XRCC4: variants seen among roughly 807,000 people sequenced by gnomAD.
The protein encoded by XRCC4 is DNA repair protein XRCC4.
A neutral mutation model predicts 39.1 loss-of-function variants in XRCC4; 28 were observed. The ratio of observed to expected loss-of-function variants is 0.72; its 90% CI spans 0.53 to 0.98. The LOEUF is 0.98. XRCC4 is among the 50% of genes least tolerant of loss of function. The probability of loss-of-function intolerance (pLI) is 0.00; values close to 1 mark genes in which losing one functional copy is unlikely to be tolerated. For missense variants in XRCC4, 350 were observed against 376.4 expected, an observed-to-expected ratio of 0.93 and a Z score of 0.58; for synonymous variants, 123 against 126.4, an observed-to-expected ratio of 0.97 and a Z score of 0.18.
At chr5:83,330,235 A>T (rs1044675844) in intron 7 of XRCC4, among the ~76,000 whole-genome samples, 1 of 152,082 alleles carries the variant, frequency 6.6e-6, no homozygotes, top group African/African-American at 2.4e-5. Flanking sequence ...GGAAGTGGAA[A>T]ACAGTATGAC....
At chr5:83,136,346 C>T (rs562798938) in intron 3 of XRCC4, among the ~76,000 whole-genome samples, 1 of 152,232 alleles carries the variant, frequency 6.6e-6, no homozygotes, top group East Asian at 1.9e-4. Context: ...TATTTTCTTC[C>T]TTTCTTGCCC....
At chr5:83,340,887 G>A (rs1430723408) in intron 7 of XRCC4, among the ~76,000 whole-genome samples, 6 of 152,174 alleles carry the variant, frequency 3.9e-5, no homozygotes, top group Admixed American at 2.6e-4. Context: ...TCCATGGCTA[G>A]TATTATTGTC....
intron 7 of XRCC4, chr5:83,311,002 A>G (rs1755691831): frequency 6.3e-6 from 2 of 318,506 alleles, no homozygotes; most frequent in Non-Finnish European, 1.3e-5. Flanking sequence ...TTTTAGCCCC[A>G]TAACAGTCAT....
chr5:83,150,561 A>G (rs1748655893), intron 3 of XRCC4, among the ~76,000 whole-genome samples: 1 of 152,164 alleles, frequency 6.6e-6, no homozygotes, highest in South Asian at 2.1e-4. Flanking sequence ...GTCACAGAGA[A>G]TACAGGTGCA....
Position 83,110,457 on chromosome 5 carries a change from C to T in XRCC4, c.140-571C>T, listed in dbSNP as rs72767130. ...AATACCTAGATAAGAGAATTGGAAG[C>T]GGTCTCTAGTATAGTATGTGTTGCA... On this transcript the variant is annotated intron_variant, in intron 2 of 7. Transcript: ENST00000396027. Among the ~76,000 whole-genome samples the T allele has an allele frequency of 9.2e-5, 14 of 151,712 alleles. 1 individual carries two copies. Among genetic ancestry groups the T allele is most frequent in the Admixed American group, 5.3e-4 (8 of 15,238 alleles).
intron 7 of XRCC4, among the ~76,000 whole-genome samples, chr5:83,308,524 G>C (rs748700581): frequency 2.0e-4 from 30 of 152,282 alleles, no homozygotes; most frequent in Middle Eastern, 3.4e-3. Flanking sequence ...AGAAAGATCA[G>C]TGCCAAATTT....
At chr5:83,142,557 C>A (rs185476736) in intron 3 of XRCC4, among the ~76,000 whole-genome samples, 1 of 152,098 alleles carries the variant, frequency 6.6e-6, no homozygotes, top group African/African-American at 2.4e-5. Context: ...TTGGGAGGGC[C>A]TTGGCCAAGG....
intron 7 of XRCC4, among the ~76,000 whole-genome samples, chr5:83,307,678 A>ACAAATT (rs1482845644): frequency 5.3e-5 from 8 of 152,216 alleles, no homozygotes; most frequent in Admixed American, 5.2e-4. Context: ...ATTCAGAAGC[A>ACAAATT]CAGAGATAGA....
At chr5:83,123,734 A>C (rs1314231856) in intron 3 of XRCC4, among the ~76,000 whole-genome samples, 1 of 151,968 alleles carries the variant, frequency 6.6e-6, no homozygotes, top group African/African-American at 2.4e-5. Flanking sequence ...TATAGCATAC[A>C]TCTTTACCTT....
chr5:83,150,094 G>A (rs888963234), intron 3 of XRCC4, among the ~76,000 whole-genome samples: 2 of 152,044 alleles, frequency 1.3e-5, no homozygotes, highest in African/African-American at 4.8e-5. Context: ...TCTTCTATTC[G>A]TGGCTAAATT....
At chr5:83,356,570 A>T (rs1465488318), downstream of XRCC4, among the ~76,000 whole-genome samples, 1 of 152,188 alleles carries the variant, frequency 6.6e-6, no homozygotes, top group Non-Finnish European at 1.5e-5. Flanking sequence ...TAAGCCTATA[A>T]TCTTGGGTTC....
chr5:83,273,680 TC>T (rs1249282898), intron 7 of XRCC4, among the ~76,000 whole-genome samples: 2 of 152,184 alleles, frequency 1.3e-5, no homozygotes, highest in Non-Finnish European at 2.9e-5. Flanking sequence ...GGGAATCCTT[TC>T]CCCCTCACTT....
intron 1 of XRCC4, among the ~76,000 whole-genome samples, chr5:83,091,041 A>G (rs1388647293): frequency 6.6e-6 from 1 of 152,330 alleles, no homozygotes; most frequent in East Asian, 1.9e-4. Context: ...TGAAATGTAC[A>G]GTACTCAATT....
intron 6 of XRCC4, among the ~76,000 whole-genome samples, chr5:83,225,605 G>GAAAA (rs869143323): frequency 1.7e-5 from 1 of 60,362 alleles, no homozygotes; most frequent in Non-Finnish European, 3.9e-5. Context: ...ATTTATTCCA[G>GAAAA]AAAAAAAAAA....
downstream of XRCC4, chr5:83,356,793 G>A: frequency 2.2e-6 from 1 of 448,954 alleles, no homozygotes; most frequent in South Asian, 1.6e-5. Flanking sequence ...ATGCAGCATG[G>A]CTTTTTTGAC....
At chr5:83,146,846 G>A (rs1267884984) in intron 3 of XRCC4, among the ~76,000 whole-genome samples, 1 of 152,074 alleles carries the variant, frequency 6.6e-6, no homozygotes, top group African/African-American at 2.4e-5. Flanking sequence ...AATTTAAGGC[G>A]ATTAGGTTTT....
chr5:83,090,156 A>T (rs1745355449), intron 1 of XRCC4, among the ~76,000 whole-genome samples: 1 of 152,078 alleles, frequency 6.6e-6, no homozygotes. Context: ...GGCTCAAGTG[A>T]TCCTCCTTCC....
rs3822718 is a variant in XRCC4 at position 83,204,330 on chromosome 5, A to G, written c.639-485A>G. 1.4e-4 allele frequency among the ~76,000 whole-genome samples: 21 copies of G among 152,300 alleles called. No homozygotes were observed. In the East Asian group the frequency reaches 4.0e-3, roughly 29 times the overall value. ...ATTACCAGTGACGTAGTATAAAAAA[A>G]TTTGATATCAGCTAGTCCTAGCACA... On this transcript the variant is annotated intron_variant, in intron 5 of 7. Transcript: ENST00000396027.
intron 1 of XRCC4, among the ~76,000 whole-genome samples, chr5:83,095,376 G>A (rs967952514): frequency 2.0e-5 from 3 of 152,158 alleles, no homozygotes; most frequent in Non-Finnish European, 4.4e-5. Flanking sequence ...GAGGTTAAGT[G>A]GATTGGGGTG....
Sources: allele counts gnomAD v4.1 joint callset (sites outside exome capture counted in the v4.1 genomes callset), GRCh38; gene constraint gnomAD v4.1.1; transcripts MANE v1.5; gene names NCBI Gene and HGNC (gene_info 2026-07-23, HGNC 2026-07-21).